TTF1: variants seen among roughly 807,000 people sequenced by gnomAD.
TTF1 encodes transcription termination factor 1.
Under a neutral mutation model 80.2 loss-of-function variants are expected in TTF1, and 64 were observed. That is an observed-to-expected ratio of 0.80 (90% CI 0.65 to 0.98). The LOEUF (loss-of-function observed/expected upper bound fraction) is 0.98, where lower values mean the gene tolerates loss of function less well. Ranked by LOEUF, TTF1 falls within the 50% of genes least tolerant of loss-of-function variation. The pLI is 0.00. For synonymous variants in TTF1, 372 were observed against 382.7 expected (o/e 0.97, Z 0.33); for missense variants, 1,023 against 1,086.2 (o/e 0.94, Z 0.82).
intron 10 of TTF1, among the ~76,000 whole-genome samples, chr9:132,378,753 C>T (rs981654518): frequency 6.6e-6 from 1 of 151,638 alleles, no homozygotes; most frequent in Non-Finnish European, 1.5e-5. Context: ...GGTGCACGGG[C>T]ATGTCATGTG....
chr9:132,397,940 T>G (rs1301927660), intron 4 of TTF1, among the ~76,000 whole-genome samples: 3 of 150,930 alleles, frequency 2.0e-5, no homozygotes, highest in Non-Finnish European at 4.4e-5. Context: ...GAGCCAAGAT[T>G]GCACCACTGC....
At chr9:132,391,931 ATTAG>A in intron 6 of TTF1, 141 bp downstream of exon 6, 1 of 1,354,150 alleles carries the variant, frequency 7.4e-7, no homozygotes, top group Non-Finnish European at 9.9e-7. Flanking sequence ...AACCAAACAA[ATTAG>A]TATAGAGAAC....
chr9:132,396,660 T>G, intron 4 of TTF1, 149 bp from the exon 5 acceptor site: 1 of 616,942 alleles, frequency 1.6e-6, no homozygotes, highest in South Asian at 1.9e-5. Context: ...AAAGCTGTCT[T>G]GTTTTTTTTG....
At chr9:132,387,991 G>C (rs528625903) in intron 8 of TTF1, 148 bp downstream of exon 8, 2 of 546,538 alleles carry the variant, frequency 3.7e-6, no homozygotes, top group African/African-American at 1.9e-5. Flanking sequence ...GACTTAGAAG[G>C]GTAGGTCATA....
Position 132,376,064 on chromosome 9 carries a change from T to C in TTF1, c.2569A>G (p.Lys857Glu), listed in dbSNP as rs1294855034. 6.2e-7 allele frequency: 1 copy of C among 1,614,208 alleles called. No individual in the cohort carries two copies. The highest frequency in any genetic ancestry group is 8.5e-7 in the Non-Finnish European group (1 of 1,180,044). ...GTKIQTPAAP[K>E]QVFPFRDIFY... Reference sequence around the variant, plus strand: ...ATGTCTCGAAATGGGAAAACTTGCTTGGGTGCTGCAGGAGTCTGGATTTTA... The same window carrying C: ...ATGTCTCGAAATGGGAAAACTTGCTCGGGTGCTGCAGGAGTCTGGATTTTA... The change falls in exon 11 of 11, where the codon AAG becomes GAG. Residue 857 changes from lysine (K) to glutamate (E), a missense_variant. By Grantham distance (56) the Lys-to-Glu change is moderately conservative (BLOSUM62 1). Coordinates refer to ENST00000334270, the MANE Select transcript of TTF1 (RefSeq NM_007344.4).
intron 5 of TTF1, among the ~76,000 whole-genome samples, chr9:132,392,693 C>T (rs1292394493): frequency 6.6e-6 from 1 of 152,172 alleles, no homozygotes; most frequent in Non-Finnish European, 1.5e-5. Context: ...TCCTCCAGAC[C>T]AGCACTGCCC....
At chr9:132,385,697 T>C (rs1849453599) in intron 9 of TTF1, among the ~76,000 whole-genome samples, 1 of 152,256 alleles carries the variant, frequency 6.6e-6, no homozygotes, top group Non-Finnish European at 1.5e-5. Context: ...ACTCTATTTT[T>C]GTTTTCTTTT....
intron 1 of TTF1, among the ~76,000 whole-genome samples, chr9:132,403,460 T>C (rs1849806008): frequency 6.6e-6 from 1 of 152,142 alleles, no homozygotes; most frequent in East Asian, 1.9e-4. Flanking sequence ...AAACGTGCCA[T>C]AACCTTTCCC....
chr9:132,390,258 G>A (rs775088668), intron 7 of TTF1, among the ~76,000 whole-genome samples: 4 of 152,322 alleles, frequency 2.6e-5, no homozygotes, highest in South Asian at 2.1e-4. Context: ...GGGATTACAC[G>A]CATGAGCCAC....
intron 9 of TTF1, among the ~76,000 whole-genome samples, chr9:132,382,149 G>C (rs1849381340): frequency 2.0e-5 from 3 of 152,224 alleles, no homozygotes; most frequent in Admixed American, 2.0e-4. Flanking sequence ...CGCAGGAACT[G>C]ATTAAAATGC....
At chr9:132,403,682 CAAAG>C (rs1463352791) in intron 1 of TTF1, among the ~76,000 whole-genome samples, 1 of 151,634 alleles carries the variant, frequency 6.6e-6, no homozygotes, top group African/African-American at 2.4e-5. Flanking sequence ...AAAAAAAAGA[CAAAG>C]AAAAAAGAAA....
chr9:132,375,855 G>A lies in TTF1; in HGVS notation c.*60C>T, dbSNP rs1025660229. On this transcript the variant is annotated 3_prime_UTR_variant, in exon 11 of 11. Coordinates refer to ENST00000334270, the MANE Select transcript of TTF1 (RefSeq NM_007344.4). Reference sequence around the variant, plus strand: ...GCACTACCACACCCGGCTAATTTTTGCATTTTTAATAGTGACAGGTCTTCA... The same window carrying A: ...GCACTACCACACCCGGCTAATTTTTACATTTTTAATAGTGACAGGTCTTCA... The A allele has an allele frequency of 4.6e-5, 50 of 1,088,564 alleles. No homozygotes were observed. The highest frequency in any genetic ancestry group is 1.9e-4 in the African/African-American group (12 of 62,874). 67.4% of individuals were successfully genotyped at this position (1,088,564 alleles called of 1,614,324 possible). A position where few individuals can be genotyped will look rare whatever the true frequency, so the allele number is the denominator to read the frequency against.
intron 5 of TTF1, among the ~76,000 whole-genome samples, chr9:132,395,516 T>C (rs564648819): frequency 3.9e-5 from 6 of 152,354 alleles, no homozygotes; most frequent in Admixed American, 6.5e-5. Flanking sequence ...TAGTGGATTT[T>C]CTTAAAAGTT....
chr9:132,379,470 CCT>C (rs1201330235), intron 9 of TTF1, among the ~76,000 whole-genome samples: 9 of 152,182 alleles, frequency 5.9e-5, no homozygotes, highest in African/African-American at 1.9e-4. Flanking sequence ...CTGATGCTTA[CCT>C]TGTGCTCAGC....
rs758893939 is a variant in TTF1, at chr9:132,400,040, G to T, written c.1586C>A (p.Ala529Glu). Residue 529 changes from alanine (A) to glutamate (E), a missense_variant, in exon 3 of 11, where the codon GCA becomes GAA. Transcript: ENST00000334270. ...DDLERFKEFK[A>E]QGVAIKFGKF... ...CTAAGGCCCCACAAGCTCACCTTGTGCTTTAAATTCCTTAAACCGTTCCAA... is the reference window on the plus strand; with the variant it reads ...CTAAGGCCCCACAAGCTCACCTTGTTCTTTAAATTCCTTAAACCGTTCCAA... The T allele has an allele frequency of 5.0e-6, 8 of 1,614,074 alleles. No individual in the cohort carries two copies. In the East Asian group the frequency reaches 1.6e-4, roughly 31 times the overall value.
At position 132,401,545 on chromosome 9, in the gene TTF1, C is replaced by G. The variant is rs1466073338; in HGVS notation, c.1277G>C (p.Gly426Ala). Residue 426 changes from glycine (G) to alanine (A), a missense_variant, in exon 2 of 11, where the codon GGC becomes GCC. Physicochemically the swap from Gly to Ala is moderately conservative, Grantham distance 60. Coordinates refer to ENST00000334270, the MANE Select transcript of TTF1 (RefSeq NM_007344.4). Reference protein sequence around the residue: ...STLFDSVEGDGAMMEEGVKSR... With the variant: ...STLFDSVEGDAAMMEEGVKSR... Reference sequence around the variant, plus strand: ...TTTCACACCTTCTTCCATCATGGCGCCATCACCTTCTACTGAATCAAAGAG... The same window carrying G: ...TTTCACACCTTCTTCCATCATGGCGGCATCACCTTCTACTGAATCAAAGAG... 6.2e-7 allele frequency: 1 copy of G among 1,614,092 alleles called. No individual in the cohort carries two copies. Among genetic ancestry groups the G allele is most frequent in the South Asian group, 1.1e-5 (1 of 91,076 alleles).
At chr9:132,401,414 A>G (rs1474043067) in intron 2 of TTF1, 41 bp downstream of exon 2, 1 of 1,551,792 alleles carries the variant, frequency 6.4e-7, no homozygotes, top group South Asian at 1.2e-5. Flanking sequence ...AATCCATACG[A>G]AAGAAATATA....
intron 4 of TTF1, 82 bp downstream of exon 4, chr9:132,398,059 C>T: frequency 8.4e-7 from 1 of 1,188,124 alleles, no homozygotes; most frequent in Non-Finnish European, 1.1e-6. Context: ...GGGCCAGGTA[C>T]CGTGCTAACA....
intron 10 of TTF1, among the ~76,000 whole-genome samples, chr9:132,377,576 G>A (rs1214078167): frequency 6.8e-5 from 2 of 29,518 alleles, no homozygotes; most frequent in Non-Finnish European, 1.7e-4. Context: ...GTGAGTGCAT[G>A]TGGTGTGTGT....
Sources: allele counts gnomAD v4.1 joint callset (sites outside exome capture counted in the v4.1 genomes callset), GRCh38; gene constraint gnomAD v4.1.1; transcripts MANE v1.5; gene names NCBI Gene and HGNC (gene_info 2026-07-23, HGNC 2026-07-21).